Variants in CFAP43 observed in about 807,000 individuals in gnomAD.
CFAP43 encodes the protein cilia and flagella associated protein 43, also known as cilia- and flagella-associated protein 43.
Under a neutral mutation model 218.9 loss-of-function variants are expected in CFAP43, and 155 were observed. The ratio of observed to expected loss-of-function variants is 0.71; its 90% CI spans 0.62 to 0.81. The LOEUF (loss-of-function observed/expected upper bound fraction) is 0.81, where lower values mean the gene tolerates loss of function less well. CFAP43 is among the 30% of genes least tolerant of loss of function. The pLI is 0.00. For missense variants in CFAP43, 1,778 were observed against 1,954.3 expected, an observed-to-expected ratio of 0.91 and a Z score of 1.70; for synonymous variants, 645 against 681.3, an observed-to-expected ratio of 0.95 and a Z score of 0.83.
At chr10:104,169,742 T>C (rs1055130268) in intron 20 of CFAP43, among the ~76,000 whole-genome samples, 6 of 152,194 alleles carry the variant, frequency 3.9e-5, no homozygotes, top group African/African-American at 9.7e-5. Flanking sequence ...ATGACTTTAA[T>C]TTGCAATTCA....
At chr10:104,189,942 C>T (rs927504926) in intron 12 of CFAP43, among the ~76,000 whole-genome samples, 4 of 151,966 alleles carry the variant, frequency 2.6e-5, no homozygotes, top group East Asian at 1.9e-4. Flanking sequence ...CCAAGGCGGG[C>T]GGATCATGAG....
intron 34 of CFAP43, among the ~76,000 whole-genome samples, chr10:104,134,505 GA>G (rs1196393694): frequency 1.3e-5 from 2 of 151,278 alleles, no homozygotes; most frequent in Non-Finnish European, 3.0e-5. Flanking sequence ...GACTGACTAA[GA>G]AAAAAAAGGC....
At position 104,214,414 on chromosome 10, in the gene CFAP43, C is replaced by G. The variant is rs753974188; in HGVS notation, c.429G>C (p.Ser143=). ...GTGATTTCTTACACAAAATGATACT[C>G]GATTCCCAGTTCCTTAGAGAAAAAT... is the stretch of plus-strand genomic sequence containing the variant. ...EFELALWNWE[S]SIILCKKSQP... Residue 143 remains serine (S), a synonymous_variant, in exon 4 of 38, where the codon TCG becomes TCC. Coordinates refer to ENST00000357060, the MANE Select transcript of CFAP43 (RefSeq NM_025145.7). The G allele has an allele frequency of 5.7e-6, 9 of 1,583,796 alleles. No individual in the cohort carries two copies. Among genetic ancestry groups the G allele is most frequent in the African/African-American group, 1.4e-5 (1 of 73,912 alleles).
chr10:104,192,013 T>C (rs1274224730), intron 12 of CFAP43, among the ~76,000 whole-genome samples, 186 bp downstream of exon 12: 2 of 152,198 alleles, frequency 1.3e-5, no homozygotes. Flanking sequence ...ATAACTCTAA[T>C]ATTCCAAATA....
intron 28 of CFAP43, among the ~76,000 whole-genome samples, chr10:104,149,365 TC>T (rs2088137250): frequency 6.6e-6 from 1 of 152,212 alleles, no homozygotes. Flanking sequence ...GGTTTTAGTT[TC>T]CCTTTTCACT....
chr10:104,197,417 C>A (rs1216658123), intron 9 of CFAP43, among the ~76,000 whole-genome samples: 2 of 152,122 alleles, frequency 1.3e-5, no homozygotes, highest in Non-Finnish European at 2.9e-5. Flanking sequence ...ACATTTGTTA[C>A]AACTGAAGAG....
chr10:104,180,502 G>C (rs1365210178), intron 17 of CFAP43, among the ~76,000 whole-genome samples: 1 of 147,292 alleles, frequency 6.8e-6, no homozygotes, highest in Non-Finnish European at 1.5e-5. Flanking sequence ...CTGGAGTGCA[G>C]TGGTATGATC....
intron 3 of CFAP43, among the ~76,000 whole-genome samples, chr10:104,220,820 T>G (rs1820055128): frequency 6.6e-6 from 1 of 152,204 alleles, no homozygotes; most frequent in South Asian, 2.1e-4. Flanking sequence ...ATGCTATGAT[T>G]GTATGCCCTG....
intron 23 of CFAP43, 101 bp from the exon 24 acceptor site, chr10:104,164,401 T>A: frequency 1.3e-5 from 8 of 629,898 alleles, no homozygotes; most frequent in South Asian, 3.7e-5. Context: ...TTCCACAAAT[T>A]TTTTTTTTTT....
chr10:104,227,742 C>T (rs373586443), intron 2 of CFAP43, among the ~76,000 whole-genome samples: 2 of 150,046 alleles, frequency 1.3e-5, no homozygotes, highest in Admixed American at 6.7e-5. Flanking sequence ...AACAGATATA[C>T]AATCAAATAT....
intron 29 of CFAP43, 49 bp downstream of exon 29, chr10:104,147,842 C>T (rs112588117): frequency 2.3e-6 from 3 of 1,315,510 alleles, no homozygotes; most frequent in East Asian, 4.8e-5. Context: ...AAATGAGGGG[C>T]ATGTCTATCA....
intron 27 of CFAP43, among the ~76,000 whole-genome samples, chr10:104,159,141 CAT>C (rs200933154): frequency 0.015 from 2,305 of 152,062 alleles, 33 homozygotes; most frequent in Non-Finnish European, 0.024. Flanking sequence ...TATTTTTATA[CAT>C]GTTTGACATT....
intron 12 of CFAP43, among the ~76,000 whole-genome samples, chr10:104,189,661 G>A (rs1363633221): frequency 6.6e-6 from 1 of 152,104 alleles, no homozygotes; most frequent in African/African-American, 2.4e-5. Context: ...ATGTGGACCA[G>A]GGTTCTATTC....
At chr10:104,167,559 C>T (rs776247400) in intron 22 of CFAP43, 62 bp downstream of exon 22, 5 of 1,311,232 alleles carry the variant, frequency 3.8e-6, no homozygotes, top group East Asian at 4.8e-5. Flanking sequence ...CAAACCTGAA[C>T]AAAGGAGACT....
chr10:104,214,525 TTA>T (rs1404375017), intron 3 of CFAP43, 99 bp from the exon 4 acceptor site: 1 of 1,040,112 alleles, frequency 9.6e-7, no homozygotes, highest in Admixed American at 3.1e-5. Flanking sequence ...GGGATATAAT[TTA>T]TGATACAATT....
At chr10:104,135,319 C>T (rs1018184366) in intron 34 of CFAP43, among the ~76,000 whole-genome samples, 16 of 152,134 alleles carry the variant, frequency 1.1e-4, no homozygotes, top group African/African-American at 2.7e-4. Context: ...AGATCAGGAA[C>T]GAGACAAGGA....
intron 8 of CFAP43, among the ~76,000 whole-genome samples, chr10:104,202,638 G>A (rs2090565127): frequency 6.6e-6 from 1 of 151,682 alleles, no homozygotes; most frequent in African/African-American, 2.4e-5. Flanking sequence ...TCTCTCTTTG[G>A]CTATGTCCAA....
chr10:104,147,817 A>C (rs1038324474), intron 29 of CFAP43, 74 bp downstream of exon 29: 2 of 1,021,944 alleles, frequency 2.0e-6, no homozygotes, highest in Non-Finnish European at 2.8e-6. Context: ...GGGTCTAGAC[A>C]CGTGAGCTCT....
rs537413950 is a variant in CFAP43, at chr10:104,195,608, A to T, written c.1293+1245T>A. Among the ~76,000 whole-genome samples the T allele has an allele frequency of 3.9e-5, 6 of 152,352 alleles. No homozygotes were observed. In the East Asian group the frequency reaches 1.2e-3, roughly 29 times the overall value. On this transcript the variant is annotated intron_variant, in intron 10 of 37. Coordinates refer to ENST00000357060, the MANE Select transcript of CFAP43 (RefSeq NM_025145.7). Reference sequence around the variant, plus strand: ...TTATAATTAAGATTTTAGTTTTATAAAAGGGAAGGACTGAAACTTCCCTAC... The same window carrying T: ...TTATAATTAAGATTTTAGTTTTATATAAGGGAAGGACTGAAACTTCCCTAC...
Sources: gnomAD v4.1 joint callset for allele counts (sites outside exome capture counted in the v4.1 genomes callset) on GRCh38, gnomAD v4.1.1 for gene constraint, MANE v1.5 for transcripts, NCBI Gene and HGNC (gene_info 2026-07-23, HGNC 2026-07-21) for gene names.